The following SINHCAF variants were observed in gnomAD, a reference collection of about 807,000 sequenced individuals.
SINHCAF encodes SIN3-HDAC complex associated factor.
In SINHCAF, 3 loss-of-function variants were observed where a neutral mutation model predicts 25.8. That is an observed-to-expected ratio of 0.12 (90% CI 0.05 to 0.30). The LOEUF is 0.30. SINHCAF is among the 10% of genes least tolerant of loss of function. SINHCAF has a pLI of 1.00. For synonymous variants in SINHCAF, 70 were observed against 85.5 expected, an observed-to-expected ratio of 0.82 and a Z score of 1.00; for missense variants, 121 against 262.3, an observed-to-expected ratio of 0.46 and a Z score of 3.72.
chr12:31,307,252 C>T (rs1227928066), intron 1 of SINHCAF, among the ~76,000 whole-genome samples: 1 of 152,138 alleles, frequency 6.6e-6, no homozygotes, highest in African/African-American at 2.4e-5. Context: ...CAGGTAGAGG[C>T]AAACAAATAC....
At chr12:31,289,129 C>T (rs750742435) in intron 4 of SINHCAF, among the ~76,000 whole-genome samples, 1 of 152,094 alleles carries the variant, frequency 6.6e-6, no homozygotes, top group Non-Finnish European at 1.5e-5. Flanking sequence ...ATGAACGACA[C>T]AGAAAACAAA....
At chr12:31,302,726 G>C (rs1208205126) in intron 1 of SINHCAF, among the ~76,000 whole-genome samples, 2 of 151,724 alleles carry the variant, frequency 1.3e-5, no homozygotes, top group Non-Finnish European at 2.9e-5. Flanking sequence ...TACACATAAG[G>C]TAAAGTAAGT....
At chr12:31,286,488 C>A (rs1372323721) in intron 5 of SINHCAF, among the ~76,000 whole-genome samples, 1 of 151,782 alleles carries the variant, frequency 6.6e-6, no homozygotes, top group Non-Finnish European at 1.5e-5. Context: ...ATGGTGAAAC[C>A]CCTTTTCTAC....
At chr12:31,287,858 A>G in intron 4 of SINHCAF, 74 bp from the exon 5 acceptor site, 17 of 1,078,306 alleles carry the variant, frequency 1.6e-5, no homozygotes, top group Non-Finnish European at 2.2e-5. Context: ...CCTCAGCATA[A>G]GACACTGTGA....
rs912660001 is a variant in SINHCAF at position 31,290,709 on chromosome 12, T to TTTTTG, written c.356-2930_356-2926dup. ...ATTTGAAATTTCAATTATCTGACCA[T>TTTTTG]TTTTGTTTTGTTTTGTTTTTGTTTT... On this transcript the variant is annotated intron_variant, in intron 4 of 5. Coordinates refer to ENST00000337682, the MANE Select transcript of SINHCAF (RefSeq NM_001135812.2). Among the ~76,000 whole-genome samples the TTTTTG allele has an allele frequency of 3.3e-5, 5 of 152,126 alleles. No individual in the cohort carries two copies. The East Asian group carries it at 9.6e-4, about 29-fold the overall frequency.
intron 1 of SINHCAF, among the ~76,000 whole-genome samples, chr12:31,305,316 G>C (rs1938976722): frequency 6.6e-6 from 1 of 152,182 alleles, no homozygotes; most frequent in South Asian, 2.1e-4. Context: ...GGAGCGCACT[G>C]TGGGACGTGT....
At chr12:31,294,810 A>C (rs1462429987) in intron 3 of SINHCAF, among the ~76,000 whole-genome samples, 6 of 152,210 alleles carry the variant, frequency 3.9e-5, no homozygotes, top group African/African-American at 1.4e-4. Context: ...AATAAATATA[A>C]CCTGCCCAAA....
Position 31,292,394 on chromosome 12 carries a change from G to C in SINHCAF, c.355+1411C>G, listed in dbSNP as rs78819490. Among the ~76,000 whole-genome samples, 440 of 152,120 alleles carry C rather than the reference G, an allele frequency of 2.9e-3. 10 individuals are homozygous for C. In the East Asian group the frequency reaches 0.052, roughly 18 times the overall value. ...CATGTCTGTAGTCCCAGCTACTCAG[G>C]AGGCTGAGGCACAAGAATTGCTTGT... is the stretch of plus-strand genomic sequence containing the variant. On this transcript the variant is annotated intron_variant, in intron 4 of 5. Transcript: ENST00000337682.
intron 1 of SINHCAF, among the ~76,000 whole-genome samples, chr12:31,302,705 T>C (rs1938854627): frequency 6.6e-6 from 1 of 152,016 alleles, no homozygotes; most frequent in Admixed American, 6.6e-5. Flanking sequence ...TTGACTGGTA[T>C]TCAGTGATGT....
intron 1 of SINHCAF, among the ~76,000 whole-genome samples, chr12:31,321,454 A>C (rs967683792): frequency 3.9e-5 from 6 of 152,222 alleles, no homozygotes; most frequent in African/African-American, 1.4e-4. Context: ...TTCCCCAGAA[A>C]CGATAACTGA....
chr12:31,312,332 G>A (rs536079650), intron 1 of SINHCAF, among the ~76,000 whole-genome samples: 16 of 152,088 alleles, frequency 1.1e-4, no homozygotes, highest in Non-Finnish European at 2.1e-4. Context: ...CAAGTAATGT[G>A]TTTTCAACAT....
chr12:31,298,542 A>G (rs1938643954), intron 1 of SINHCAF: 2 of 313,180 alleles, frequency 6.4e-6, no homozygotes, highest in African/African-American at 2.1e-5. Context: ...GCCACAAACA[A>G]TCCTGTAAAA....
chr12:31,325,487 G>T lies in SINHCAF; in HGVS notation c.-21+537C>A, dbSNP rs573304916. The T allele has an allele frequency of 1.5e-4, 52 of 345,076 alleles. No homozygotes were observed. The highest frequency in any genetic ancestry group is 2.4e-4 in the Non-Finnish European group (41 of 173,578). The allele number at this position is 345,076 out of a possible 1,614,324, so 21.4% of individuals were successfully genotyped here. On this transcript the variant is annotated intron_variant, in intron 1 of 5. Transcript: ENST00000337682. This position sits in a 1 kb window ranked among gnomAD's most constrained non-coding sequence, Gnocchi z 5.9. ...GCGGATGGCAACTTAGTTTCCGAGC[G>T]AATGGCGTTTATTGTCCACCCTAGT...
intron 5 of SINHCAF, among the ~76,000 whole-genome samples, chr12:31,283,305 T>A (rs75959739): frequency 0.011 from 1,743 of 152,106 alleles, 17 homozygotes; most frequent in East Asian, 0.037. Context: ...ACTGAGTAGA[T>A]AAAAATACAT....
intron 1 of SINHCAF, among the ~76,000 whole-genome samples, chr12:31,320,336 C>T (rs1441346399): frequency 6.6e-6 from 1 of 152,234 alleles, no homozygotes; most frequent in Non-Finnish European, 1.5e-5. Context: ...CCTGAGACGG[C>T]TTACCCTCTA....
At chr12:31,298,308 C>T in intron 1 of SINHCAF, 84 bp from the exon 2 acceptor site, 1 of 1,529,704 alleles carries the variant, frequency 6.5e-7, no homozygotes, top group Non-Finnish European at 8.9e-7. Context: ...CCACCCCACC[C>T]CCAAGCAACT....
chr12:31,294,485 C>T (rs1027200642), intron 3 of SINHCAF, among the ~76,000 whole-genome samples: 2 of 152,138 alleles, frequency 1.3e-5, no homozygotes, highest in African/African-American at 2.4e-5. Context: ...TTTCACTTTA[C>T]ACCTTAATCT....
At chr12:31,298,273 G>T in intron 1 of SINHCAF, 49 bp from the exon 2 acceptor site, 6 of 1,603,814 alleles carry the variant, frequency 3.7e-6, no homozygotes, top group East Asian at 2.2e-5. Context: ...CTGTAACAAG[G>T]AACCATTAAA....
At position 31,325,319 on chromosome 12, in the gene SINHCAF, T is replaced by C. The variant is rs972067025; in HGVS notation, c.-21+705A>G. The C allele has an allele frequency of 4.5e-5, 20 of 440,418 alleles. No individual in the cohort carries two copies. The highest frequency in any genetic ancestry group is 8.2e-5 in the Non-Finnish European group (18 of 219,274). The allele number at this position is 440,418 out of a possible 1,614,324, so 27.3% of individuals were successfully genotyped here. A position where few individuals can be genotyped will look rare whatever the true frequency, so the allele number is the denominator to read the frequency against. Reference sequence around the variant, plus strand: ...GCAGGCGAGTGGAAGACGGGCTGTTTTTAAGCGACCGCGTGTTGCTCTCAT... The same window carrying C: ...GCAGGCGAGTGGAAGACGGGCTGTTCTTAAGCGACCGCGTGTTGCTCTCAT... On this transcript the variant is annotated intron_variant, in intron 1 of 5. Coordinates refer to ENST00000337682, the MANE Select transcript of SINHCAF (RefSeq NM_001135812.2). This position sits in a 1 kb window ranked among gnomAD's most constrained non-coding sequence, Gnocchi z 5.9.
Sources: allele counts gnomAD v4.1 joint callset (sites outside exome capture counted in the v4.1 genomes callset), GRCh38; gene constraint gnomAD v4.1.1; non-coding constraint Gnocchi (gnomAD v3.1); transcripts MANE v1.5; gene names NCBI Gene and HGNC (gene_info 2026-07-23, HGNC 2026-07-21).